Variants in CYP7B1 observed in about 807,000 individuals in gnomAD.
The protein encoded by CYP7B1 is cytochrome P450 7B1.
In CYP7B1, 29 loss-of-function variants were observed where a neutral mutation model predicts 42.7. That is an observed-to-expected ratio of 0.68 (90% CI 0.51 to 0.93). The LOEUF (loss-of-function observed/expected upper bound fraction) is 0.93. Ranked by LOEUF, CYP7B1 falls within the 40% of genes least tolerant of loss-of-function variation. CYP7B1 has a pLI of 0.00. For synonymous variants in CYP7B1, 235 were observed against 218.2 expected, an observed-to-expected ratio of 1.08 and a Z score of -0.68; for missense variants, 655 against 600.5, an observed-to-expected ratio of 1.09 and a Z score of -0.95.
At chr8:64,790,132 A>G (rs4392942) in intron 1 of CYP7B1, among the ~76,000 whole-genome samples, 146,943 of 152,248 alleles carry the variant, frequency 0.97, 71,013 homozygotes, top group African/African-American at 0.99. Context: ...TGAAAAGTGT[A>G]AGGTCCTATT....
At chr8:64,652,582 C>T (rs1295411210) in intron 1 of CYP7B1, among the ~76,000 whole-genome samples, 3 of 152,288 alleles carry the variant, frequency 2.0e-5, no homozygotes, top group East Asian at 1.9e-4. Context: ...CAGTGGCTCA[C>T]GCCTGTAATT....
intron 1 of CYP7B1, among the ~76,000 whole-genome samples, chr8:64,786,983 C>T (rs1367040663): frequency 6.6e-6 from 1 of 152,162 alleles, no homozygotes. Flanking sequence ...GTGCTTTGGC[C>T]CCTTTTAGCT....
chr8:64,782,330 G>A (rs1804441502), intron 1 of CYP7B1, among the ~76,000 whole-genome samples: 1 of 152,106 alleles, frequency 6.6e-6, no homozygotes, highest in Non-Finnish European at 1.5e-5. Context: ...CATGAAGGTG[G>A]AGCTCTCACA....
intron 2 of CYP7B1, among the ~76,000 whole-genome samples, chr8:64,618,580 CTCTCTCTCTT>C (rs1220780543): frequency 6.6e-6 from 1 of 151,336 alleles, no homozygotes; most frequent in African/African-American, 2.4e-5. Flanking sequence ...TTCTCTCTCT[CTCTCTCTCTT>C]TCTCTCTCTC....
chr8:64,632,801 T>G (rs895242680), intron 1 of CYP7B1, among the ~76,000 whole-genome samples: 2 of 152,148 alleles, frequency 1.3e-5, no homozygotes, highest in African/African-American at 4.8e-5. Flanking sequence ...AATGTCCCTC[T>G]CATCACTGCT....
intron 1 of CYP7B1, among the ~76,000 whole-genome samples, chr8:64,682,828 C>T (rs779556042): frequency 6.6e-6 from 1 of 152,320 alleles, no homozygotes; most frequent in Non-Finnish European, 1.5e-5. Flanking sequence ...GCCTATCCAT[C>T]ATCTCCACTG....
intron 1 of CYP7B1, among the ~76,000 whole-genome samples, chr8:64,778,240 G>C (rs1476653466): frequency 6.9e-6 from 1 of 144,878 alleles, no homozygotes; most frequent in Non-Finnish European, 1.5e-5. Flanking sequence ...TGTATATGTA[G>C]TGTATGTATA....
intron 1 of CYP7B1, among the ~76,000 whole-genome samples, chr8:64,702,438 CT>C (rs1806931082): frequency 6.6e-6 from 1 of 152,090 alleles, no homozygotes; most frequent in Admixed American, 6.6e-5. Flanking sequence ...CTGGGATCAG[CT>C]GACTAGCAAA....
intron 1 of CYP7B1, among the ~76,000 whole-genome samples, chr8:64,637,528 A>T (rs1361793523): frequency 6.6e-6 from 1 of 152,144 alleles, no homozygotes; most frequent in Admixed American, 6.6e-5. Flanking sequence ...ATAGTGTATG[A>T]TTACTTCAGG....
At chr8:64,634,947 C>T (rs1452909273) in intron 1 of CYP7B1, among the ~76,000 whole-genome samples, 1 of 152,172 alleles carries the variant, frequency 6.6e-6, no homozygotes, top group Admixed American at 6.5e-5. Context: ...GTTCCTTTGA[C>T]AACCTCAGCA....
chr8:64,653,956 ACTAAATAAACTAAAACT>A (rs1806080097), intron 1 of CYP7B1, among the ~76,000 whole-genome samples: 1 of 152,120 alleles, frequency 6.6e-6, no homozygotes, highest in Non-Finnish European at 1.5e-5. Context: ...TTAAAAGTAA[ACTAAATAAACTAAAACT>A]CTAAATAAAC....
chr8:64,716,428 C>T (rs750088098), intron 1 of CYP7B1, among the ~76,000 whole-genome samples: 5 of 152,030 alleles, frequency 3.3e-5, no homozygotes, highest in African/African-American at 7.3e-5. Flanking sequence ...ACTTCAGAGC[C>T]GGGCACGGTG....
downstream of CYP7B1, among the ~76,000 whole-genome samples, chr8:64,590,105 T>G (rs1270193481): frequency 6.6e-6 from 1 of 152,228 alleles, no homozygotes; most frequent in East Asian, 1.9e-4. Context: ...TAGAATAAAG[T>G]TGAAAACAAA....
chr8:64,758,041 G>C (rs560382429), intron 1 of CYP7B1, among the ~76,000 whole-genome samples: 1 of 152,064 alleles, frequency 6.6e-6, no homozygotes, highest in Admixed American at 6.5e-5. Flanking sequence ...CCCTAGGGTC[G>C]CATTCCCAAT....
chr8:64,657,770 T>C (rs1418340016), intron 1 of CYP7B1, among the ~76,000 whole-genome samples: 1 of 152,214 alleles, frequency 6.6e-6, no homozygotes, highest in Non-Finnish European at 1.5e-5. Context: ...ACTTTCCTAC[T>C]AGTATATACA....
At chr8:64,693,143 G>A (rs1055698953) in intron 1 of CYP7B1, among the ~76,000 whole-genome samples, 2 of 152,300 alleles carry the variant, frequency 1.3e-5, no homozygotes, top group Non-Finnish European at 2.9e-5. Flanking sequence ...AGAGTATGTC[G>A]TTCAGACATG....
At chr8:64,682,366 T>A (rs1806551864) in intron 1 of CYP7B1, among the ~76,000 whole-genome samples, 1 of 152,200 alleles carries the variant, frequency 6.6e-6, no homozygotes, top group African/African-American at 2.4e-5. Flanking sequence ...CAAGTGTGCA[T>A]TTTTTAAAGT....
chr8:64,750,007 A>G (rs1807703886), intron 1 of CYP7B1, among the ~76,000 whole-genome samples: 1 of 152,230 alleles, frequency 6.6e-6, no homozygotes, highest in South Asian at 2.1e-4. Context: ...TGTTTCTTGA[A>G]TGAATAACTA....
At chr8:64,712,132 T>C (rs917643217) in intron 1 of CYP7B1, among the ~76,000 whole-genome samples, 1 of 152,196 alleles carries the variant, frequency 6.6e-6, no homozygotes, top group Non-Finnish European at 1.5e-5. Flanking sequence ...GTAACATTTG[T>C]AGTTGTAGCT....
Sources: allele counts gnomAD v4.1 joint callset (sites outside exome capture counted in the v4.1 genomes callset), GRCh38; gene constraint gnomAD v4.1.1; transcripts MANE v1.5; gene names NCBI Gene and HGNC (gene_info 2026-07-23, HGNC 2026-07-21).